The following MYRIP variants were observed in gnomAD, a reference collection of about 807,000 sequenced individuals.
MYRIP encodes the protein myosin VIIA and Rab interacting protein.
In MYRIP, 49 loss-of-function variants were observed where a neutral mutation model predicts 98.0. The observed-to-expected ratio is 0.50, with a 90% CI of 0.40 to 0.63. The LOEUF is 0.63. Ranked by LOEUF, MYRIP falls within the 30% of genes least tolerant of loss-of-function variation. MYRIP has a pLI of 0.00. For synonymous variants in MYRIP, 404 were observed against 409.5 expected (o/e 0.99, Z 0.16); for missense variants, 1,004 against 1,058.2 (o/e 0.95, Z 0.71).
intron 3 of MYRIP, among the ~76,000 whole-genome samples, chr3:40,131,897 G>C (rs1449985617): frequency 6.6e-6 from 1 of 151,350 alleles, no homozygotes; most frequent in African/African-American, 2.4e-5. Context: ...TTCAATGAGA[G>C]CTTCTCTTCA....
intron 1 of MYRIP, among the ~76,000 whole-genome samples, chr3:39,860,143 T>A (rs1350719790): frequency 2.6e-5 from 4 of 152,212 alleles, no homozygotes; most frequent in Non-Finnish European, 5.9e-5. Flanking sequence ...CTGTTAGAAC[T>A]AATAAATAAA....
intron 2 of MYRIP, among the ~76,000 whole-genome samples, chr3:39,928,595 C>T (rs375493933): frequency 6.6e-6 from 1 of 150,908 alleles, no homozygotes; most frequent in Non-Finnish European, 1.5e-5. Flanking sequence ...ATCATATCAA[C>T]CAATGCAGAA....
intron 3 of MYRIP, among the ~76,000 whole-genome samples, chr3:40,137,023 T>A (rs1949792268): frequency 6.6e-6 from 1 of 151,782 alleles, no homozygotes; most frequent in Admixed American, 6.6e-5. Flanking sequence ...AGGCAAGAAA[T>A]AACTAAGATC....
chr3:39,859,310 G>A (rs534378275), intron 1 of MYRIP, among the ~76,000 whole-genome samples: 12 of 152,116 alleles, frequency 7.9e-5, no homozygotes, highest in South Asian at 2.1e-4. Context: ...ACATACAACC[G>A]GCCATGACTG....
Position 40,162,796 on chromosome 3 carries a change from A to G in MYRIP, c.536A>G (p.Tyr179Cys). 1.2e-6 allele frequency: 2 copies of G among 1,614,048 alleles called. No individual in the cohort carries two copies. Among genetic ancestry groups the G allele is most frequent in the Non-Finnish European group, 1.7e-6 (2 of 1,179,932 alleles). The change falls in exon 5 of 17, where the codon TAT (tyrosine) becomes TGT (cysteine). Residue 179 changes from tyrosine to cysteine, a missense_variant. Around this residue, in one of 3 missense-constraint regions of MYRIP, gnomAD observed 880 missense variants for 907.7 expected, o/e 0.97. Transcript: ENST00000302541. ...GSISGSDSTF[Y>C]RQSEGHSVMD... ...ATTTCTGGCAGTGATTCAACATTTT[A>G]TAGGCAGTCAGAAGGTAAAGTTGCT...
chr3:39,869,289 T>A (rs1942714599), intron 1 of MYRIP, among the ~76,000 whole-genome samples: 1 of 152,204 alleles, frequency 6.6e-6, no homozygotes, highest in African/African-American at 2.4e-5. Flanking sequence ...TAATCTGAAT[T>A]GATTTATCTT....
At chr3:39,877,213 C>G (rs1274411761) in intron 1 of MYRIP, among the ~76,000 whole-genome samples, 1 of 152,176 alleles carries the variant, frequency 6.6e-6, no homozygotes, top group Non-Finnish European at 1.5e-5. Context: ...AAGCACTTCT[C>G]TGTATTGGTT....
chr3:40,135,083 C>A (rs893731631), intron 3 of MYRIP, among the ~76,000 whole-genome samples: 1 of 152,076 alleles, frequency 6.6e-6, no homozygotes, highest in African/African-American at 2.4e-5. Context: ...TCAAACTACT[C>A]TGAGCTACAG....
intron 2 of MYRIP, among the ~76,000 whole-genome samples, chr3:39,971,189 A>C (rs1409918528): frequency 6.6e-6 from 1 of 152,240 alleles, no homozygotes; most frequent in South Asian, 2.1e-4. Flanking sequence ...TGCCATCTCC[A>C]GGTCCATAAG....
chr3:39,892,810 C>T (rs1050846519), intron 1 of MYRIP, among the ~76,000 whole-genome samples: 4 of 152,162 alleles, frequency 2.6e-5, no homozygotes, highest in Admixed American at 2.0e-4. Context: ...CTTCCTGCTT[C>T]GGTTTTTGGA....
At chr3:39,830,064 CCT>C (rs1321411559) in intron 1 of MYRIP, among the ~76,000 whole-genome samples, 2 of 152,076 alleles carry the variant, frequency 1.3e-5, no homozygotes, top group East Asian at 3.9e-4. Flanking sequence ...AATTTCTAAC[CCT>C]CTCTCTCTGA....
chr3:39,883,550 A>G (rs1291338885), intron 1 of MYRIP, among the ~76,000 whole-genome samples: 1 of 152,112 alleles, frequency 6.6e-6, no homozygotes, highest in Non-Finnish European at 1.5e-5. Flanking sequence ...TTAGGAATTT[A>G]GGGAGAAAAA....
chr3:40,151,070 G>C lies in MYRIP; in HGVS notation c.355G>C (p.Glu119Gln). 1 of 1,598,304 alleles carries C rather than the reference G, an allele frequency of 6.3e-7. No homozygotes were observed. Among genetic ancestry groups the C allele is most frequent in the Non-Finnish European group, 8.5e-7 (1 of 1,171,022 alleles). Reference protein sequence around the residue: ...QARLLRAQSLEWFYNNVKSRF... With the variant: ...QARLLRAQSLQWFYNNVKSRF... Reference sequence around the variant, plus strand: ...CAGGCTTCTGAGGGCCCAATCTCTGGAATGGTTCTACAATAATGTGAAGAG... The same window carrying C: ...CAGGCTTCTGAGGGCCCAATCTCTGCAATGGTTCTACAATAATGTGAAGAG... The change falls in exon 4 of 17, where the codon GAA becomes CAA. Residue 119 changes from glutamate to glutamine, a missense_variant. Coordinates refer to ENST00000302541, the MANE Select transcript of MYRIP (RefSeq NM_015460.4).
In MYRIP at chr3:40,250,617, G is replaced by A. The variant is rs538974109; in HGVS notation, c.2428+118G>A. On this transcript the variant is annotated intron_variant, in intron 15 of 16. Transcript: ENST00000302541. ...TAATGGAGTGTTCTCACACAGAATT[G>A]CTCTTGTCTATCTTGATTTGGGTCC... 11 of 1,199,788 alleles carry A rather than the reference G, an allele frequency of 9.2e-6. No individual in the cohort carries two copies. The African/African-American group carries it at 1.5e-4, about 17-fold the overall frequency. 74.3% of individuals were successfully genotyped at this position (1,199,788 alleles called of 1,614,324 possible).
At chr3:40,035,713 GT>G (rs1405699595) in intron 2 of MYRIP, among the ~76,000 whole-genome samples, 1 of 151,702 alleles carries the variant, frequency 6.6e-6, no homozygotes, top group African/African-American at 2.4e-5. Flanking sequence ...ATAAAAATCA[GT>G]AAAATTTCTA....
At chr3:40,135,980 G>A (rs945234549) in intron 3 of MYRIP, among the ~76,000 whole-genome samples, 8 of 152,118 alleles carry the variant, frequency 5.3e-5, no homozygotes, top group Non-Finnish European at 7.3e-5. Context: ...ATGAACTAAC[G>A]AGCAAAATAA....
rs201012785 is a variant in MYRIP, at chr3:40,250,480, G to A, written c.2409G>A (p.Leu803=). 3 of 1,614,212 alleles carry A rather than the reference G, an allele frequency of 1.9e-6. No individual in the cohort carries two copies. Among genetic ancestry groups the A allele is most frequent in the Middle Eastern group, 1.6e-4 (1 of 6,062 alleles). ...CATCAAGGCAGCAAAGGAGGAAACT[G>A]CCTGCTCCACCGGTGAAAGGTATGC... ...IDTSRQQRRK[L]PAPPVKAEKI... The change falls in exon 15 of 17, where the codon CTG becomes CTA. Residue 803 remains leucine, a synonymous_variant. Coordinates refer to ENST00000302541, the MANE Select transcript of MYRIP (RefSeq NM_015460.4).
rs1327753935 is a variant in MYRIP, at chr3:40,204,229, A to ATT, written c.1666-5624_1666-5623insTT. ...ATATTTATATATTATATATAAATAT[A>ATT]TATATATTTTTTTTTTTTGAGACAG... On this transcript the variant is annotated intron_variant, in intron 10 of 16. Coordinates refer to ENST00000302541, the MANE Select transcript of MYRIP (RefSeq NM_015460.4). Among the ~76,000 whole-genome samples the ATT allele has an allele frequency of 1.9e-3, 40 of 20,852 alleles. 3 individuals carry two copies. The highest frequency in any genetic ancestry group is 0.015 in the Middle Eastern group (1 of 66). The allele number at this position is 20,852 out of a possible 152,430, so 13.7% of individuals were successfully genotyped here. A position where few individuals can be genotyped will look rare whatever the true frequency, so the allele number is the denominator to read the frequency against.
At chr3:40,082,531 A>G (rs1352736678) in intron 3 of MYRIP, among the ~76,000 whole-genome samples, 1 of 152,142 alleles carries the variant, frequency 6.6e-6, no homozygotes, top group African/African-American at 2.4e-5. Context: ...AAGATTATTT[A>G]TTTTCTGGGC....
Sources: gnomAD v4.1 joint callset for allele counts (sites outside exome capture counted in the v4.1 genomes callset) on GRCh38, gnomAD v4.1.1 for gene constraint, gnomAD v4.1.1 regional missense constraint, MANE v1.5 for transcripts, NCBI Gene and HGNC (gene_info 2026-07-23, HGNC 2026-07-21) for gene names.